RIMS3: variants seen among roughly 807,000 people sequenced by gnomAD.
The protein encoded by RIMS3 is regulating synaptic membrane exocytosis protein 3.
A neutral mutation model predicts 29.2 loss-of-function variants in RIMS3; 15 were observed. That is an observed-to-expected ratio of 0.51 (90% CI 0.34 to 0.79). The LOEUF (loss-of-function observed/expected upper bound fraction) is 0.79. Among genes scored for constraint, RIMS3 ranks in the 30% least tolerant of loss-of-function variants. The pLI, the probability that RIMS3 is intolerant of heterozygous loss-of-function variation, is 0.01. For missense variants in RIMS3, 342 were observed against 421.4 expected, an observed-to-expected ratio of 0.81 and a Z score of 1.65; for synonymous variants, 161 against 170.1, an observed-to-expected ratio of 0.95 and a Z score of 0.41.
At chr1:40,668,473 T>C (rs187121835), upstream of RIMS3, among the ~76,000 whole-genome samples, 2,955 of 18,534 alleles carry the variant, frequency 0.16, 61 homozygotes, top group Middle Eastern at 0.26. Flanking sequence ...GGGGGCGGAG[T>C]TGGTAGGGGG....
chr1:40,640,936 C>A (rs1443164336), intron 3 of RIMS3, among the ~76,000 whole-genome samples: 1 of 152,146 alleles, frequency 6.6e-6, no homozygotes, highest in Non-Finnish European at 1.5e-5. Flanking sequence ...TGTGACCATG[C>A]GCAGTGTGAA....
chr1:40,624,447 TGAC>T lies in RIMS3; in HGVS notation c.*2067_*2069del. On this transcript the variant is annotated 3_prime_UTR_variant, in exon 8 of 8. Transcript: ENST00000372684. ...AGCCCTTTGTCCATTTCCAAGAACT[TGAC>T]GAACGCAATGGGCCTGGGGAGAGCA... 6.6e-6 allele frequency: 1 copy of T among 152,294 alleles called. No homozygotes were observed. Among genetic ancestry groups the T allele is most frequent in the East Asian group, 1.9e-4 (1 of 5,192 alleles). 9.4% of individuals were successfully genotyped at this position (152,294 alleles called of 1,614,324 possible). A position where few individuals can be genotyped will look rare whatever the true frequency, so the allele number is the denominator to read the frequency against.
the RIMS3 span, among the ~76,000 whole-genome samples, chr1:40,683,675 A>T: frequency 4.6e-5 from 7 of 152,236 alleles, no homozygotes; most frequent in African/African-American, 1.7e-4. Context: ...ACAAAATGAA[A>T]AATTCAATTT....
chr1:40,627,228 C>T (rs1040315665), intron 7 of RIMS3, among the ~76,000 whole-genome samples: 4 of 152,178 alleles, frequency 2.6e-5, no homozygotes, highest in Admixed American at 6.5e-5. Context: ...TTTCCAGCCA[C>T]ACCACTGGGA....
the RIMS3 span, chr1:40,691,804 T>C: frequency 2.2e-6 from 1 of 447,466 alleles, no homozygotes; most frequent in Non-Finnish European, 4.5e-6. Context: ...CCTGGGCCTC[T>C]GCATTGCCCG....
the RIMS3 span, among the ~76,000 whole-genome samples, chr1:40,690,121 A>AAT: frequency 5.3e-5 from 8 of 152,242 alleles, no homozygotes; most frequent in African/African-American, 1.9e-4. Flanking sequence ...AAGTGTGATC[A>AAT]ATACTTAATT....
upstream of RIMS3, among the ~76,000 whole-genome samples, chr1:40,670,574 T>TTTTATATATA (rs1453530876): frequency 8.4e-5 from 6 of 71,210 alleles, no homozygotes; most frequent in African/African-American, 3.5e-4. Context: ...AGTTATAATT[T>TTTTATATATA]TATATATATA....
intron 3 of RIMS3, among the ~76,000 whole-genome samples, chr1:40,638,293 C>T (rs901975603): frequency 6.6e-6 from 1 of 152,132 alleles, no homozygotes; most frequent in Non-Finnish European, 1.5e-5. Context: ...AGTTCCATGA[C>T]CTCAGAGGGA....
At chr1:40,677,979 A>G in the RIMS3 span, among the ~76,000 whole-genome samples, 4 of 152,220 alleles carry the variant, frequency 2.6e-5, no homozygotes, top group Admixed American at 6.5e-5. Context: ...AATGTTTTCA[A>G]TACTGTTCCT....
chr1:40,648,221 G>T (rs1054897782), intron 1 of RIMS3, among the ~76,000 whole-genome samples: 1 of 152,144 alleles, frequency 6.6e-6, no homozygotes, highest in Admixed American at 6.5e-5. Flanking sequence ...GCAGTTGGGG[G>T]ACACACTCCT....
intron 3 of RIMS3, among the ~76,000 whole-genome samples, chr1:40,638,234 C>G (rs549878501): frequency 6.6e-6 from 1 of 152,144 alleles, no homozygotes. Flanking sequence ...GCTCTTTTCA[C>G]TCCCCTCCCA....
chr1:40,637,394 G>A (rs1379090033), intron 3 of RIMS3, among the ~76,000 whole-genome samples: 1 of 152,172 alleles, frequency 6.6e-6, no homozygotes, highest in Non-Finnish European at 1.5e-5. Flanking sequence ...AGGGTGCAGG[G>A]TGAGGAGGAA....
chr1:40,628,937 T>G lies in RIMS3; in HGVS notation c.587A>C (p.Lys196Thr). The change falls in exon 7 of 8, where the codon AAG becomes ACG. Residue 196 changes from lysine to threonine, a missense_variant. Physicochemically the swap from Lys to Thr is moderately conservative, Grantham distance 78. Transcript: ENST00000372684. ...GSKSLPATYI[K>T]VYLLENGACL... ...GGCCCCATTCTCCAGCAGGTAAACC[T>G]TGATATAGGTGGCTAAGGGAGGAGA... 2 of 1,613,254 alleles carry G rather than the reference T, an allele frequency of 1.2e-6. No homozygotes were observed. The highest frequency in any genetic ancestry group is 1.7e-6 in the Non-Finnish European group (2 of 1,180,000).
intron 1 of RIMS3, among the ~76,000 whole-genome samples, chr1:40,655,435 C>A (rs1205807090): frequency 2.6e-5 from 4 of 152,188 alleles, no homozygotes; most frequent in South Asian, 2.1e-4. Context: ...ATGAGCCCCC[C>A]TCCCAAGCAG....
At chr1:40,684,304 C>G in the RIMS3 span, among the ~76,000 whole-genome samples, 1 of 152,190 alleles carries the variant, frequency 6.6e-6, no homozygotes, top group Non-Finnish European at 1.5e-5. Flanking sequence ...ATTCTGCCTT[C>G]CTCTGTGATG....
At chr1:40,674,398 T>G in the RIMS3 span, among the ~76,000 whole-genome samples, 2 of 152,210 alleles carry the variant, frequency 1.3e-5, no homozygotes, top group Non-Finnish European at 1.5e-5. Context: ...TTAAACCACC[T>G]GGCCCCTCCA....
At chr1:40,642,999 A>G (rs1646569190) in intron 2 of RIMS3, among the ~76,000 whole-genome samples, 1 of 152,090 alleles carries the variant, frequency 6.6e-6, no homozygotes, top group African/African-American at 2.4e-5. Flanking sequence ...TCCCAATGTC[A>G]TTAACACTAT....
rs955544838 is a variant in RIMS3 at position 40,654,165 on chromosome 1, C to T, written c.-206-6323G>A. ...TCCCCTCCCCTTCCCGCCCCTCCCC[C>T]TCCCCGCCCCTCCCCCGCGCCGCTG... On this transcript the variant is annotated intron_variant, in intron 1 of 7. Transcript: ENST00000372684. This position sits in a 1 kb window ranked among gnomAD's most constrained non-coding sequence, Gnocchi z 5.3. 2.0e-5 allele frequency among the ~76,000 whole-genome samples: 3 copies of T among 151,240 alleles called. No individual in the cohort carries two copies. The highest frequency in any genetic ancestry group is 2.0e-4 in the East Asian group (1 of 4,980).
At chr1:40,670,120 C>A (rs560889572), upstream of RIMS3, among the ~76,000 whole-genome samples, 7 of 152,276 alleles carry the variant, frequency 4.6e-5, no homozygotes, top group South Asian at 1.5e-3. Flanking sequence ...TAAAACAAAT[C>A]TGACCACATC....
Sources: gnomAD v4.1 joint callset for allele counts (sites outside exome capture counted in the v4.1 genomes callset) on GRCh38, gnomAD v4.1.1 for gene constraint, Gnocchi (gnomAD v3.1) non-coding constraint, MANE v1.5 for transcripts, NCBI Gene and HGNC (gene_info 2026-07-23, HGNC 2026-07-21) for gene names.